Variants in ATP8B4 observed in about 807,000 individuals in gnomAD.
ATP8B4 encodes ATPase phospholipid transporting 8B4 (putative), also known as probable phospholipid-transporting ATPase IM.
ATP8B4 carries 133 observed loss-of-function variants against 145.6 expected under a neutral mutation model. The ratio of observed to expected loss-of-function variants is 0.91; its 90% CI spans 0.79 to 1.05. ATP8B4 has a LOEUF of 1.05. ATP8B4 is among the 50% of genes least tolerant of loss of function. The pLI, the probability that ATP8B4 is intolerant of heterozygous loss-of-function variation, is 0.00. For synonymous variants in ATP8B4, 507 were observed against 492.9 expected, an observed-to-expected ratio of 1.03 and a Z score of -0.38; for missense variants, 1,458 against 1,425.2, an observed-to-expected ratio of 1.02 and a Z score of -0.37.
At chr15:49,881,813 G>A (rs778686174) in intron 23 of ATP8B4, among the ~76,000 whole-genome samples, 15 of 152,010 alleles carry the variant, frequency 9.9e-5, no homozygotes, top group African/African-American at 2.2e-4. Context: ...TGAAGATAAC[G>A]AAAAAAGTTG....
intron 1 of ATP8B4, among the ~76,000 whole-genome samples, chr15:50,160,818 T>C (rs1288577103): frequency 6.6e-6 from 1 of 152,152 alleles, no homozygotes; most frequent in Non-Finnish European, 1.5e-5. Flanking sequence ...GAATGATCCA[T>C]GTGCTAAGGA....
At chr15:50,174,315 A>G (rs1406786236) in intron 1 of ATP8B4, among the ~76,000 whole-genome samples, 1 of 152,180 alleles carries the variant, frequency 6.6e-6, no homozygotes, top group Non-Finnish European at 1.5e-5. Flanking sequence ...GAGAGAAAGA[A>G]ATATAGAGCA....
At chr15:50,118,765 C>T (rs375554437) in intron 1 of ATP8B4, among the ~76,000 whole-genome samples, 2 of 151,990 alleles carry the variant, frequency 1.3e-5, no homozygotes, top group East Asian at 3.9e-4. Context: ...ATACAAACCC[C>T]GTGAAAAAAA....
intron 2 of ATP8B4, among the ~76,000 whole-genome samples, chr15:50,081,004 T>C (rs1363312429): frequency 6.6e-6 from 1 of 151,222 alleles, no homozygotes; most frequent in Non-Finnish European, 1.5e-5. Flanking sequence ...TCCCAGCTAC[T>C]ATGGAGGCTG....
At chr15:49,993,202 A>T (rs2047170778) in intron 9 of ATP8B4, among the ~76,000 whole-genome samples, 1 of 152,118 alleles carries the variant, frequency 6.6e-6, no homozygotes, top group Non-Finnish European at 1.5e-5. Context: ...GGAGAGAGTG[A>T]TAAAAACAAA....
rs1029675138 is a variant in ATP8B4, at chr15:50,066,711, G to C, written c.87+7416C>G. ...TGACCAAATTTCAGTCAGCCTGAAA[G>C]CTTTTATACTGTTTCTCTTCTCTTT... is the stretch of plus-strand genomic sequence containing the variant. On this transcript the variant is annotated intron_variant, in intron 3 of 27. Coordinates refer to ENST00000284509, the MANE Select transcript of ATP8B4 (RefSeq NM_024837.4). Among the ~76,000 whole-genome samples, 3 of 152,228 alleles carry C rather than the reference G, an allele frequency of 2.0e-5. No homozygotes were observed. In the East Asian group the frequency reaches 5.8e-4, roughly 29 times the overall value.
At chr15:49,866,589 C>T (rs1445320219) in intron 25 of ATP8B4, 105 bp from the exon 26 acceptor site, 4 of 1,419,840 alleles carry the variant, frequency 2.8e-6, no homozygotes, top group Non-Finnish European at 3.9e-6. Context: ...GAAGTTTGCA[C>T]CTGCCTAGTT....
chr15:50,050,441 GTTT>G (rs1042047973), intron 3 of ATP8B4, among the ~76,000 whole-genome samples: 21 of 151,880 alleles, frequency 1.4e-4, no homozygotes, highest in African/African-American at 5.1e-4. Flanking sequence ...TTTATAGTTG[GTTT>G]TTAAAATATT....
chr15:49,937,081 T>C (rs551181184), intron 14 of ATP8B4, among the ~76,000 whole-genome samples: 21 of 152,272 alleles, frequency 1.4e-4, no homozygotes, highest in African/African-American at 4.8e-4. Flanking sequence ...TCTGTTCTAT[T>C]TTCTTAATTA....
chr15:49,913,750 A>G (rs1399121289), intron 20 of ATP8B4, among the ~76,000 whole-genome samples: 1 of 152,184 alleles, frequency 6.6e-6, no homozygotes, highest in East Asian at 1.9e-4. Flanking sequence ...AAAGTACCTG[A>G]GAAAGAAAGC....
rs544117328 is a variant in ATP8B4 at position 50,170,651 on chromosome 15, A to C, written c.-43+11610T>G. On this transcript the variant is annotated intron_variant, in intron 1 of 3. Transcript: ENST00000558829. Reference sequence around the variant, plus strand: ...AAAGCAAAAACAAAACAAAACAAAAAAAAACAAAGTACACAGGCAACAAAG... The same window carrying C: ...AAAGCAAAAACAAAACAAAACAAAACAAAACAAAGTACACAGGCAACAAAG... 9.8e-4 allele frequency among the ~76,000 whole-genome samples: 149 copies of C among 152,190 alleles called. 1 individual carries two copies. The highest frequency in any genetic ancestry group is 3.4e-3 in the African/African-American group (141 of 41,506).
chr15:49,911,528 G>C (rs1352295999), intron 20 of ATP8B4, among the ~76,000 whole-genome samples: 2 of 152,094 alleles, frequency 1.3e-5, no homozygotes, highest in Non-Finnish European at 2.9e-5. Flanking sequence ...GAAGTACCCA[G>C]ATATATAAAG....
chr15:49,912,554 G>A (rs1434194138), intron 20 of ATP8B4, among the ~76,000 whole-genome samples: 3 of 152,032 alleles, frequency 2.0e-5, no homozygotes, highest in African/African-American at 7.2e-5. Flanking sequence ...GAAAAACCCA[G>A]AATTGGATGA....
At chr15:50,084,765 G>A (rs1160875270) in intron 2 of ATP8B4, among the ~76,000 whole-genome samples, 1 of 152,044 alleles carries the variant, frequency 6.6e-6, no homozygotes, top group African/African-American at 2.4e-5. Flanking sequence ...AGCTGCCCAC[G>A]TCCCTTGGCT....
At chr15:50,097,916 A>G (rs2056090039) in intron 2 of ATP8B4, among the ~76,000 whole-genome samples, 1 of 152,194 alleles carries the variant, frequency 6.6e-6, no homozygotes, top group Non-Finnish European at 1.5e-5. Context: ...GTTCATGCTC[A>G]CAGTAACCTT....
At chr15:49,893,476 G>A (rs1190740066) in intron 23 of ATP8B4, among the ~76,000 whole-genome samples, 1 of 152,186 alleles carries the variant, frequency 6.6e-6, no homozygotes, top group African/African-American at 2.4e-5. Context: ...GCCTTAAAAA[G>A]AGGAAAAATA....
chr15:50,022,556 C>T (rs960049271), intron 6 of ATP8B4, among the ~76,000 whole-genome samples: 1 of 152,212 alleles, frequency 6.6e-6, no homozygotes, highest in Non-Finnish European at 1.5e-5. Flanking sequence ...AATCAAATGA[C>T]CCCAACAAAA....
chr15:50,036,198 G>A (rs917234965), intron 6 of ATP8B4, among the ~76,000 whole-genome samples: 8 of 152,164 alleles, frequency 5.3e-5, no homozygotes, highest in African/African-American at 1.7e-4. Context: ...GAGAAACTGG[G>A]AAGGGAGATG....
intron 26 of ATP8B4, among the ~76,000 whole-genome samples, chr15:49,865,389 G>T (rs7177946): frequency 0.028 from 4,281 of 152,208 alleles, 209 homozygotes; most frequent in African/African-American, 0.099. Flanking sequence ...CCAGTAAATG[G>T]GTCTCCCTGA....
Sources: gnomAD v4.1 joint callset for allele counts (sites outside exome capture counted in the v4.1 genomes callset) on GRCh38, gnomAD v4.1.1 for gene constraint, MANE v1.5 for transcripts, NCBI Gene and HGNC (gene_info 2026-07-23, HGNC 2026-07-21) for gene names.